Variants in KAT6B observed in about 807,000 individuals in gnomAD.
KAT6B encodes lysine acetyltransferase 6B.
In KAT6B, 10 loss-of-function variants were observed where a neutral mutation model predicts 187.5. The ratio of observed to expected loss-of-function variants is 0.05; its 90% confidence interval spans 0.03 to 0.09. KAT6B has a LOEUF of 0.09. KAT6B is among the 10% of genes least tolerant of loss of function. The probability of loss-of-function intolerance (pLI) is 1.00; values close to 1 mark genes in which losing one functional copy is unlikely to be tolerated. For missense variants in KAT6B, 1,952 were observed against 2,558.9 expected, an observed-to-expected ratio of 0.76 and a Z score of 5.12; for synonymous variants, 861 against 926.8, an observed-to-expected ratio of 0.93 and a Z score of 1.29.
intron 3 of KAT6B, among the ~76,000 whole-genome samples, chr10:74,861,100 C>T (rs983925077): frequency 3.3e-5 from 5 of 151,474 alleles, no homozygotes; most frequent in African/African-American, 1.2e-4. Flanking sequence ...CGTGCCATTG[C>T]ACTCCATCCT....
chr10:74,869,001 T>A (rs1337560194), intron 3 of KAT6B, among the ~76,000 whole-genome samples: 1 of 152,214 alleles, frequency 6.6e-6, no homozygotes, highest in Non-Finnish European at 1.5e-5. Flanking sequence ...AGTTTTACAA[T>A]GAAGCTTAAG....
chr10:74,960,943 A>T (rs186117603), intron 4 of KAT6B, among the ~76,000 whole-genome samples: 1 of 152,286 alleles, frequency 6.6e-6, no homozygotes, highest in East Asian at 1.9e-4. Flanking sequence ...TGGGTAGAAG[A>T]AATGTTTCAT....
chr10:74,918,516 C>T (rs1043554644), intron 3 of KAT6B, among the ~76,000 whole-genome samples: 19 of 152,130 alleles, frequency 1.2e-4, no homozygotes, highest in African/African-American at 2.7e-4. Context: ...CCAAGGCAGG[C>T]GGATAACCTA....
chr10:74,894,673 T>C (rs796249079), intron 3 of KAT6B, among the ~76,000 whole-genome samples: 13 of 152,316 alleles, frequency 8.5e-5, no homozygotes, highest in African/African-American at 2.9e-4. Flanking sequence ...GCAGTATTTG[T>C]TTTTTTCTTA....
rs764335792 is a variant in KAT6B at position 74,843,439 on chromosome 10, G to T, written c.582G>T (p.Ser194=). ...AGTATCCCAGTGCATTCCCATCCTCGCTCCCACCTGTCAGCCTTCTACCCC... is the reference window on the plus strand; with the variant it reads ...AGTATCCCAGTGCATTCCCATCCTCTCTCCCACCTGTCAGCCTTCTACCCC... The part of the protein sequence containing the change: ...APQYPSAFPS[S]LPPVSLLPHE... The change falls in exon 3 of 18, where the codon TCG becomes TCT. Residue 194 remains serine (S), a synonymous_variant. Transcript: ENST00000287239. The T allele has an allele frequency of 6.2e-7, 1 of 1,613,866 alleles. No homozygotes were observed. The highest frequency in any genetic ancestry group is 8.5e-7 in the Non-Finnish European group (1 of 1,180,008).
Position 74,945,725 on chromosome 10 carries a change from C to CCAA in KAT6B, c.622-14245_622-14244insCAA, listed in dbSNP as rs1564580327. Among the ~76,000 whole-genome samples the CCAA allele has an allele frequency of 3.3e-4, 50 of 152,294 alleles. 1 individual carries two copies. The highest frequency in any genetic ancestry group is 1.1e-3 in the African/African-American group (47 of 41,574). On this transcript the variant is annotated intron_variant, in intron 3 of 17. Coordinates refer to ENST00000287239, the MANE Select transcript of KAT6B (RefSeq NM_012330.4). ...TCAGCCTCCCAAAGTGCTGGGATTA[C>CCAA]AGGCATGAGCCACTGTGCCCGCCGG...
chr10:75,025,193 C>T lies in KAT6B; in HGVS notation c.3608C>T (p.Thr1203Ile). 1 of 1,614,182 alleles carries T rather than the reference C, an allele frequency of 6.2e-7. No homozygotes were observed. Among genetic ancestry groups the T allele is most frequent in the Non-Finnish European group, 8.5e-7 (1 of 1,180,020 alleles). ...CATCAGCCTGGGAAGAAAAGACAAA[C>T]AGAGGAAGAGGAAGGAAAAGACAAT... ...FQHQPGKKRQ[T>I]EEEEGKDNHC... is the part of the protein sequence containing the mutation. Residue 1203 changes from threonine to isoleucine, a missense_variant, in exon 17 of 18, where the codon ACA (threonine) becomes ATA (isoleucine). Thr to Ile is a moderately conservative substitution (Grantham distance 89). Coordinates refer to ENST00000287239, the MANE Select transcript of KAT6B (RefSeq NM_012330.4).
intron 3 of KAT6B, among the ~76,000 whole-genome samples, chr10:74,907,042 G>A (rs1846817787): frequency 6.6e-6 from 1 of 152,188 alleles, no homozygotes; most frequent in African/African-American, 2.4e-5. Context: ...GCCTGCAGAC[G>A]TCAGTTGAGA....
chr10:75,025,868 T>C (rs1027501962), intron 17 of KAT6B: 4 of 153,882 alleles, frequency 2.6e-5, no homozygotes, highest in African/African-American at 9.7e-5. Context: ...CTAAAAAAAA[T>C]ACAAAAATTA....
chr10:75,025,133 A>C lies in KAT6B; in HGVS notation c.3548A>C (p.Asp1183Ala), dbSNP rs758270033. The C allele has an allele frequency of 1.2e-6, 2 of 1,614,252 alleles. No homozygotes were observed. The highest frequency in any genetic ancestry group is 1.7e-6 in the Non-Finnish European group (2 of 1,180,042). ...EPTCEIEVEE[D>A]GRKPVLRKAF... is the part of the protein sequence containing the mutation. ...ACCTGTGAGATTGAAGTGGAGGAAGATGGCAGGAAGCCAGTCCTGAGAAAA... is the reference window on the plus strand; with the variant it reads ...ACCTGTGAGATTGAAGTGGAGGAAGCTGGCAGGAAGCCAGTCCTGAGAAAA... Residue 1183 changes from aspartate to alanine, a missense_variant, in exon 17 of 18, where the codon GAT (aspartate) becomes GCT (alanine). Physicochemically the swap from Asp to Ala is moderately radical, Grantham distance 126. This residue lies in a region of KAT6B where 758 missense variants were observed against 891.4 expected (regional missense o/e 0.85). Coordinates refer to ENST00000287239, the MANE Select transcript of KAT6B (RefSeq NM_012330.4).
intron 3 of KAT6B, among the ~76,000 whole-genome samples, chr10:74,898,548 A>C (rs1026522871): frequency 6.6e-6 from 1 of 151,944 alleles, no homozygotes; most frequent in Non-Finnish European, 1.5e-5. Flanking sequence ...ATTCCTATTC[A>C]CTGCCCTCTT....
chr10:74,830,120 G>A (rs1479628921), intron 1 of KAT6B, among the ~76,000 whole-genome samples: 1 of 152,058 alleles, frequency 6.6e-6, no homozygotes, highest in Non-Finnish European at 1.5e-5. Context: ...ATGCGTGGAT[G>A]AGAGAAGTGG....
At chr10:74,880,644 T>C (rs2132514684) in intron 3 of KAT6B, among the ~76,000 whole-genome samples, 1 of 152,214 alleles carries the variant, frequency 6.6e-6, no homozygotes, top group Admixed American at 6.5e-5. Context: ...GAGATGGAGT[T>C]TTGGTCTGTC....
Position 74,910,841 on chromosome 10 carries a change from A to G in KAT6B, c.622-49129A>G, listed in dbSNP as rs571216707. Among the ~76,000 whole-genome samples the G allele has an allele frequency of 2.4e-4, 37 of 152,302 alleles. No individual in the cohort carries two copies. In the Middle Eastern group the frequency reaches 0.01, roughly 42 times the overall value. ...TAAATACAGATAGCACATAACAGCT[A>G]TATGCATTCTCTTAAATTTCTTTCC... is the stretch of plus-strand genomic sequence containing the variant. On this transcript the variant is annotated intron_variant, in intron 3 of 17. Coordinates refer to ENST00000287239, the MANE Select transcript of KAT6B (RefSeq NM_012330.4).
chr10:75,015,680 A>G (rs1844929835), intron 13 of KAT6B, among the ~76,000 whole-genome samples: 1 of 152,216 alleles, frequency 6.6e-6, no homozygotes, highest in South Asian at 2.1e-4. Context: ...CCAGGCTTGC[A>G]AACCCAGTGC....
chr10:74,891,781 T>C (rs1845660889), intron 3 of KAT6B, among the ~76,000 whole-genome samples: 1 of 152,250 alleles, frequency 6.6e-6, no homozygotes, highest in Non-Finnish European at 1.5e-5. Context: ...AATATTGGCA[T>C]GTAACGTGGA....
At chr10:74,938,723 A>G (rs1849440212) in intron 3 of KAT6B, among the ~76,000 whole-genome samples, 1 of 152,052 alleles carries the variant, frequency 6.6e-6, no homozygotes, top group African/African-American at 2.4e-5. Context: ...GTCTCAGATA[A>G]ATTATGCACC....
At chr10:74,920,823 C>T (rs1169055756) in intron 3 of KAT6B, among the ~76,000 whole-genome samples, 1 of 152,088 alleles carries the variant, frequency 6.6e-6, no homozygotes, top group Non-Finnish European at 1.5e-5. Flanking sequence ...TGGCTGTGTC[C>T]ATTTTTCTTT....
At chr10:74,939,503 T>C (rs1849511834) in intron 3 of KAT6B, among the ~76,000 whole-genome samples, 2 of 152,028 alleles carry the variant, frequency 1.3e-5, no homozygotes, top group Non-Finnish European at 1.5e-5. Context: ...TGGGTTCCAA[T>C]GATTCTTCTG....
Sources: allele counts gnomAD v4.1 joint callset (sites outside exome capture counted in the v4.1 genomes callset), GRCh38; gene constraint gnomAD v4.1.1; regional missense constraint gnomAD v4.1.1; transcripts MANE v1.5; gene names NCBI Gene and HGNC (gene_info 2026-07-23, HGNC 2026-07-21).